Variants in ARHGAP19 observed in about 807,000 individuals in gnomAD.
The protein encoded by ARHGAP19 is rho GTPase-activating protein 19.
A neutral mutation model predicts 60.9 loss-of-function variants in ARHGAP19; 48 were observed. That is an observed-to-expected ratio of 0.79 (90% CI 0.62 to 1.00). ARHGAP19 has a LOEUF of 1.00. Among genes scored for constraint, ARHGAP19 ranks in the 50% least tolerant of loss-of-function variants. The pLI, the probability that ARHGAP19 is intolerant of heterozygous loss-of-function variation, is 0.00. For missense variants in ARHGAP19, 562 were observed against 597.2 expected, an observed-to-expected ratio of 0.94 and a Z score of 0.61; for synonymous variants, 209 against 215.5, an observed-to-expected ratio of 0.97 and a Z score of 0.27.
At chr10:97,248,019 G>A (rs1405040502) in intron 6 of ARHGAP19, among the ~76,000 whole-genome samples, 1 of 145,748 alleles carries the variant, frequency 6.9e-6, no homozygotes, top group Non-Finnish European at 1.5e-5. Flanking sequence ...AGGTTGGAGT[G>A]CAATGGCATG....
chr10:97,266,501 G>A (rs1320967428), intron 1 of ARHGAP19, among the ~76,000 whole-genome samples: 2 of 152,168 alleles, frequency 1.3e-5, no homozygotes, highest in African/African-American at 4.8e-5. Context: ...ACATTACATT[G>A]GGCTATACTC....
intron 1 of ARHGAP19, among the ~76,000 whole-genome samples, chr10:97,284,316 T>A (rs11189096): frequency 6.6e-6 from 1 of 152,064 alleles, no homozygotes; most frequent in Admixed American, 6.6e-5. Flanking sequence ...AGAGACAGGG[T>A]TTCACCATGT....
chr10:97,251,430 G>A, intron 6 of ARHGAP19, among the ~76,000 whole-genome samples: 1 of 75,730 alleles, frequency 1.3e-5, no homozygotes, highest in Non-Finnish European at 2.7e-5. Flanking sequence ...GGAAGGGAAG[G>A]GGAAGGGGAG....
At position 97,288,453 on chromosome 10, in the gene ARHGAP19, G is replaced by A. The variant is rs751338572; in HGVS notation, c.56+4119C>T. ...AAATTAGTTGAGCGTGCTGGCACAC[G>A]CCTGTAGTCCCAGCTACTTGGGAGG... is the stretch of plus-strand genomic sequence containing the variant. On this transcript the variant is annotated intron_variant, in intron 1 of 11. Coordinates refer to ENST00000358531, the MANE Select transcript of ARHGAP19 (RefSeq NM_032900.6). Among the ~76,000 whole-genome samples, 107 of 151,988 alleles carry A rather than the reference G, an allele frequency of 7.0e-4. 1 individual carries two copies. The highest frequency in any genetic ancestry group is 1.0e-3 in the Non-Finnish European group (71 of 67,980).
chr10:97,271,084 GAGAA>G (rs532123022), intron 1 of ARHGAP19, among the ~76,000 whole-genome samples: 7 of 152,194 alleles, frequency 4.6e-5, no homozygotes, highest in South Asian at 4.1e-4. Context: ...TAATGCAACA[GAGAA>G]AGAGTTTCTT....
chr10:97,272,683 T>C (rs1236179054), intron 1 of ARHGAP19, among the ~76,000 whole-genome samples: 1 of 152,208 alleles, frequency 6.6e-6, no homozygotes, highest in African/African-American at 2.4e-5. Context: ...TTGGTATAAA[T>C]TTGTATATAA....
intron 8 of ARHGAP19, among the ~76,000 whole-genome samples, chr10:97,242,891 C>T (rs1166528956): frequency 6.6e-6 from 1 of 152,150 alleles, no homozygotes; most frequent in Non-Finnish European, 1.5e-5. Flanking sequence ...CTCAGGTGAT[C>T]CACCCGCCTA....
At chr10:97,249,211 C>T (rs1272693672) in intron 6 of ARHGAP19, among the ~76,000 whole-genome samples, 1 of 151,992 alleles carries the variant, frequency 6.6e-6, no homozygotes, top group Non-Finnish European at 1.5e-5. Context: ...TTTTAATACC[C>T]AATAGATTCC....
At chr10:97,245,630 T>C (rs1211812267) in intron 7 of ARHGAP19, among the ~76,000 whole-genome samples, 2 of 150,406 alleles carry the variant, frequency 1.3e-5, no homozygotes, top group East Asian at 3.9e-4. Flanking sequence ...ATCATTATCA[T>C]ATCTGATCTT....
chr10:97,257,691 A>G (rs1235553725), intron 5 of ARHGAP19, among the ~76,000 whole-genome samples: 1 of 152,182 alleles, frequency 6.6e-6, no homozygotes, highest in African/African-American at 2.4e-5. Context: ...TCTCCTTAAT[A>G]TGGACAAATG....
chr10:97,261,475 A>C (rs1842828969), intron 4 of ARHGAP19, among the ~76,000 whole-genome samples: 1 of 152,226 alleles, frequency 6.6e-6, no homozygotes, highest in African/African-American at 2.4e-5. Flanking sequence ...ACTGGAAAGC[A>C]AACAAAACAA....
intron 1 of ARHGAP19, among the ~76,000 whole-genome samples, chr10:97,267,581 C>CCAACCCTGCAGCA (rs569333311): frequency 1.5e-3 from 224 of 152,384 alleles, no homozygotes; most frequent in Non-Finnish European, 2.7e-3. Flanking sequence ...CATGAGAGCT[C>CCAACCCTGCAGCA]CAACCCTGCA....
chr10:97,242,623 C>T (rs1417490003), intron 8 of ARHGAP19, among the ~76,000 whole-genome samples: 2 of 152,176 alleles, frequency 1.3e-5, no homozygotes, highest in Admixed American at 1.3e-4. Flanking sequence ...AGCAATTCTC[C>T]TGCCTCAGCC....
At chr10:97,292,511 G>A (rs1843251044) in intron 1 of ARHGAP19, 61 bp downstream of exon 1, 1 of 1,593,456 alleles carries the variant, frequency 6.3e-7, no homozygotes, top group Non-Finnish European at 8.6e-7. Flanking sequence ...CCAAGGCAAA[G>A]GCGGCAGGAC....
chr10:97,285,054 G>A (rs980825903), intron 1 of ARHGAP19, among the ~76,000 whole-genome samples: 4 of 149,738 alleles, frequency 2.7e-5, no homozygotes, highest in Admixed American at 6.6e-5. Flanking sequence ...TAGTAGAGAC[G>A]GGGTTTCACC....
intron 5 of ARHGAP19, 128 bp downstream of exon 5, chr10:97,259,270 AAAGT>A: frequency 1.4e-6 from 1 of 715,536 alleles, no homozygotes. Context: ...ATGAACTAAT[AAAGT>A]AAGTTCCCAA....
chr10:97,280,322 T>G (rs1843067145), intron 1 of ARHGAP19, among the ~76,000 whole-genome samples: 2 of 151,698 alleles, frequency 1.3e-5, no homozygotes, highest in Admixed American at 6.6e-5. Flanking sequence ...GGAAGGAGAA[T>G]CACTTGAACC....
At chr10:97,258,813 C>G (rs1842789553) in intron 5 of ARHGAP19, 1 of 151,406 alleles carries the variant, frequency 6.6e-6, no homozygotes, top group African/African-American at 2.4e-5. Context: ...TGTTTTTATC[C>G]CTCAGGCATT....
chr10:97,245,274 T>C (rs1428176479), intron 7 of ARHGAP19, among the ~76,000 whole-genome samples: 1 of 152,240 alleles, frequency 6.6e-6, no homozygotes, highest in East Asian at 1.9e-4. Flanking sequence ...CTGAAAGTGC[T>C]AGGATTACAG....
Sources: gnomAD v4.1 joint callset for allele counts (sites outside exome capture counted in the v4.1 genomes callset) on GRCh38, gnomAD v4.1.1 for gene constraint, MANE v1.5 for transcripts, NCBI Gene and HGNC (gene_info 2026-07-23, HGNC 2026-07-21) for gene names.